RNF220: variants seen among roughly 807,000 people sequenced by gnomAD.
The protein encoded by RNF220 is E3 ubiquitin-protein ligase RNF220.
Under a neutral mutation model 67.1 loss-of-function variants are expected in RNF220, and 7 were observed. The ratio of observed to expected loss-of-function variants is 0.10; its 90% CI spans 0.06 to 0.20. RNF220 has a LOEUF of 0.20. RNF220 is among the 10% of genes least tolerant of loss of function. The pLI is 1.00. For missense variants in RNF220, 565 were observed against 740.3 expected, an observed-to-expected ratio of 0.76 and a Z score of 2.75; for synonymous variants, 270 against 283.2, an observed-to-expected ratio of 0.95 and a Z score of 0.47.
chr1:44,582,282 C>A (rs1572946521), intron 2 of RNF220, among the ~76,000 whole-genome samples: 1 of 152,346 alleles, frequency 6.6e-6, no homozygotes, highest in Non-Finnish European at 1.5e-5. Context: ...GGGTCCTGCT[C>A]CTGAGCGGCA....
chr1:44,425,335 T>C (rs1191910311), intron 2 of RNF220, among the ~76,000 whole-genome samples: 1 of 152,232 alleles, frequency 6.6e-6, no homozygotes, highest in Non-Finnish European at 1.5e-5. Flanking sequence ...GGCCCATGTC[T>C]GTCTCCCTAT....
At chr1:44,534,631 G>A (rs1661067119) in intron 2 of RNF220, among the ~76,000 whole-genome samples, 1 of 152,154 alleles carries the variant, frequency 6.6e-6, no homozygotes, top group Non-Finnish European at 1.5e-5. Context: ...TAGATTTGGG[G>A]ATTATCAAGT....
At chr1:44,581,460 C>A (rs918206575) in intron 2 of RNF220, among the ~76,000 whole-genome samples, 1 of 152,230 alleles carries the variant, frequency 6.6e-6, no homozygotes, top group South Asian at 2.1e-4. Context: ...TGGCCAAGCT[C>A]TTTCCCACAC....
At chr1:44,626,228 C>A in intron 4 of RNF220, 69 bp from the exon 5 acceptor site, 1 of 1,198,848 alleles carries the variant, frequency 8.3e-7, no homozygotes, top group Non-Finnish European at 1.2e-6. Context: ...CACCACAGGA[C>A]TGGGAACTCT....
Position 44,559,272 on chromosome 1 carries a change from C to G in RNF220, c.626-54893C>G, listed in dbSNP as rs545144173. ...GGGTATCCCAGGAGTTTTATTCACA[C>G]TGCCACGCTGTTCTGTGGAAGCAGG... On this transcript the variant is annotated intron_variant, in intron 2 of 14. Coordinates refer to ENST00000361799, the MANE Select transcript of RNF220 (RefSeq NM_018150.4). Among the ~76,000 whole-genome samples the G allele has an allele frequency of 6.6e-4, 101 of 152,342 alleles. 1 individual carries two copies. The highest frequency in any genetic ancestry group is 2.4e-3 in the African/African-American group (99 of 41,576).
chr1:44,525,476 C>T (rs943581385), intron 2 of RNF220, among the ~76,000 whole-genome samples: 4 of 152,224 alleles, frequency 2.6e-5, no homozygotes, highest in African/African-American at 9.6e-5. Context: ...GAAACTGCTG[C>T]CCCGCTTTGG....
intron 5 of RNF220, among the ~76,000 whole-genome samples, chr1:44,630,438 G>A (rs1009312577): frequency 3.9e-5 from 6 of 152,194 alleles, no homozygotes; most frequent in Non-Finnish European, 8.8e-5. Flanking sequence ...CCCTAAATCC[G>A]AGATTGTTTC....
chr1:44,504,970 T>G (rs1053655001), intron 2 of RNF220, among the ~76,000 whole-genome samples: 26 of 152,158 alleles, frequency 1.7e-4, no homozygotes, highest in African/African-American at 6.3e-4. Flanking sequence ...AAGAATTCCT[T>G]TCAGAGGGGA....
At chr1:44,536,990 C>T (rs1381074652) in intron 2 of RNF220, among the ~76,000 whole-genome samples, 1 of 130,618 alleles carries the variant, frequency 7.7e-6, no homozygotes, top group Non-Finnish European at 1.6e-5. Flanking sequence ...ACCCCTCGGT[C>T]CCATTTGCAC....
intron 2 of RNF220, among the ~76,000 whole-genome samples, chr1:44,512,936 G>A (rs1659140766): frequency 1.3e-5 from 2 of 152,154 alleles, no homozygotes; most frequent in South Asian, 4.1e-4. Flanking sequence ...CATCCCGGCT[G>A]AGCCAAGGGA....
chr1:44,555,243 C>T (rs192177357), intron 2 of RNF220, among the ~76,000 whole-genome samples: 146 of 152,048 alleles, frequency 9.6e-4, no homozygotes, highest in Middle Eastern at 3.4e-3. Flanking sequence ...AAGTTTTTGA[C>T]ATTTTGTAGA....
chr1:44,630,091 G>T (rs1644072438), intron 5 of RNF220, among the ~76,000 whole-genome samples: 1 of 152,164 alleles, frequency 6.6e-6, no homozygotes, highest in Admixed American at 6.5e-5. Context: ...AGGGGGTATT[G>T]GTTTCTGGGG....
chr1:44,626,248 C>CT, intron 4 of RNF220, 49 bp from the exon 5 acceptor site: 1 of 1,418,998 alleles, frequency 7.0e-7, no homozygotes, highest in South Asian at 1.2e-5. Flanking sequence ...TAGGGACTGA[C>CT]TGTAGGTCTC....
intron 8 of RNF220, among the ~76,000 whole-genome samples, chr1:44,639,214 T>A (rs961342236): frequency 6.6e-6 from 1 of 152,174 alleles, no homozygotes; most frequent in African/African-American, 2.4e-5. Context: ...ACCTGTAGTC[T>A]AAGGAGGTGT....
intron 2 of RNF220, among the ~76,000 whole-genome samples, chr1:44,609,363 G>A (rs918263520): frequency 5.9e-5 from 9 of 152,178 alleles, no homozygotes; most frequent in Non-Finnish European, 8.8e-5. Context: ...GCTTGGACAA[G>A]CAGAGGCGAG....
intron 2 of RNF220, among the ~76,000 whole-genome samples, chr1:44,533,440 T>A (rs999758874): frequency 6.6e-6 from 1 of 152,240 alleles, no homozygotes; most frequent in Admixed American, 6.5e-5. Context: ...TGAGCCCTGA[T>A]GGCACCACTG....
At chr1:44,426,643 CT>C (rs1347176498) in intron 2 of RNF220, among the ~76,000 whole-genome samples, 2 of 151,000 alleles carry the variant, frequency 1.3e-5, no homozygotes, top group Admixed American at 1.3e-4. Context: ...AGGAGAATTG[CT>C]TGAACTCGAG....
At chr1:44,514,942 G>A (rs931592363) in intron 2 of RNF220, among the ~76,000 whole-genome samples, 1 of 152,156 alleles carries the variant, frequency 6.6e-6, no homozygotes, top group East Asian at 1.9e-4. Context: ...AAGCAAAGGG[G>A]TAGGAGCTGG....
intron 2 of RNF220, among the ~76,000 whole-genome samples, chr1:44,522,571 C>T (rs1241440587): frequency 6.6e-6 from 1 of 151,986 alleles, no homozygotes; most frequent in Admixed American, 6.6e-5. Context: ...AATAGTTGAG[C>T]ACAGCACTGG....
Sources: gnomAD v4.1 joint callset for allele counts (sites outside exome capture counted in the v4.1 genomes callset) on GRCh38, gnomAD v4.1.1 for gene constraint, MANE v1.5 for transcripts, NCBI Gene and HGNC (gene_info 2026-07-23, HGNC 2026-07-21) for gene names.